Variants in SOX6 observed in about 807,000 individuals in gnomAD.
SOX6 encodes transcription factor SOX-6.
A neutral mutation model predicts 97.8 loss-of-function variants in SOX6; 11 were observed. The ratio of observed to expected loss-of-function variants is 0.11; its 90% CI spans 0.07 to 0.19. The LOEUF (loss-of-function observed/expected upper bound fraction) is 0.19, where lower values mean the gene tolerates loss of function less well. SOX6 is among the 10% of genes least tolerant of loss of function. The probability of loss-of-function intolerance (pLI) is 1.00; values close to 1 mark genes in which losing one functional copy is unlikely to be tolerated. For synonymous variants in SOX6, 360 were observed against 371.4 expected (o/e 0.97, Z 0.35); for missense variants, 810 against 1,039.5 (o/e 0.78, Z 3.04).
chr11:16,451,960 G>A (rs1368371232), intron 1 of SOX6, among the ~76,000 whole-genome samples: 1 of 136,922 alleles, frequency 7.3e-6, no homozygotes, highest in African/African-American at 3.0e-5. Context: ...TCCAGTTTGG[G>A]TGACAGAGCA....
At chr11:16,500,971 T>C (rs1860697220) in intron 4 of SOX6, among the ~76,000 whole-genome samples, 1 of 152,144 alleles carries the variant, frequency 6.6e-6, no homozygotes, top group South Asian at 2.1e-4. Flanking sequence ...TTAAAGTTCA[T>C]ATGGAACCAA....
chr11:16,111,759 G>T, intron 7 of SOX6, 44 bp downstream of exon 7: 1 of 1,610,834 alleles, frequency 6.2e-7, no homozygotes. Flanking sequence ...TAAACATGCA[G>T]ATCTGAGCAT....
At chr11:16,104,100 C>A (rs1218145378) in intron 7 of SOX6, among the ~76,000 whole-genome samples, 1 of 151,906 alleles carries the variant, frequency 6.6e-6, no homozygotes, top group Admixed American at 6.6e-5. Flanking sequence ...AGATTATAGA[C>A]CTTTAAAAAA....
intron 4 of SOX6, among the ~76,000 whole-genome samples, chr11:16,534,425 G>A (rs905444187): frequency 6.6e-6 from 1 of 151,920 alleles, no homozygotes. Context: ...CTAGAACTTT[G>A]CCTTGTATAT....
chr11:16,735,945 G>A (rs73421135), intron 2 of SOX6, among the ~76,000 whole-genome samples: 3,523 of 152,046 alleles, frequency 0.023, 139 homozygotes, highest in African/African-American at 0.081. Flanking sequence ...TTGAGAGCAC[G>A]TACTCGACAA....
At chr11:16,710,660 C>A (rs1848171894) in intron 3 of SOX6, among the ~76,000 whole-genome samples, 1 of 152,174 alleles carries the variant, frequency 6.6e-6, no homozygotes, top group Admixed American at 6.5e-5. Flanking sequence ...GTTTCTCAGA[C>A]TCAGGCCAGA....
At chr11:15,983,245 C>A (rs1044093802) in intron 15 of SOX6, among the ~76,000 whole-genome samples, 2 of 151,868 alleles carry the variant, frequency 1.3e-5, no homozygotes, top group African/African-American at 4.8e-5. Context: ...ATAATCTTAT[C>A]CAGATTATTA....
intron 7 of SOX6, among the ~76,000 whole-genome samples, chr11:16,109,635 T>TAAA (rs1374212669): frequency 6.6e-6 from 1 of 152,190 alleles, no homozygotes; most frequent in Non-Finnish European, 1.5e-5. Flanking sequence ...ACTGCATAGA[T>TAAA]TGATTAAGTC....
At chr11:16,247,999 T>A (rs1157559968) in intron 3 of SOX6, among the ~76,000 whole-genome samples, 1 of 152,182 alleles carries the variant, frequency 6.6e-6, no homozygotes, top group East Asian at 1.9e-4. Context: ...ATTGGGTAAA[T>A]ACACCCATTC....
At chr11:16,373,915 G>A (rs917864451) in intron 1 of SOX6, among the ~76,000 whole-genome samples, 3 of 146,050 alleles carry the variant, frequency 2.1e-5, no homozygotes, top group Non-Finnish European at 4.5e-5. Flanking sequence ...GAGGGAGAAG[G>A]GGAAGGGAGG....
intron 3 of SOX6, among the ~76,000 whole-genome samples, chr11:16,290,359 T>C (rs1854879310): frequency 1.3e-5 from 2 of 152,084 alleles, no homozygotes; most frequent in African/African-American, 4.8e-5. Context: ...TTGGGGTTAT[T>C]AGCATGATAA....
intron 4 of SOX6, among the ~76,000 whole-genome samples, chr11:16,535,069 T>A (rs1427732395): frequency 6.6e-6 from 1 of 152,166 alleles, no homozygotes; most frequent in Non-Finnish European, 1.5e-5. Flanking sequence ...GAATTTGACC[T>A]GCATATTGAA....
chr11:16,111,159 C>T (rs1199663588), intron 7 of SOX6, among the ~76,000 whole-genome samples: 1 of 152,168 alleles, frequency 6.6e-6, no homozygotes, highest in Non-Finnish European at 1.5e-5. Flanking sequence ...AGCTTCAAAC[C>T]ATTATGCCCC....
chr11:16,063,554 A>ATATATAT (rs1848019806), intron 9 of SOX6, among the ~76,000 whole-genome samples: 1 of 68,958 alleles, frequency 1.5e-5, no homozygotes, highest in Non-Finnish European at 2.9e-5. Flanking sequence ...ATATATATAT[A>ATATATAT]CCTGCTTTCT....
intron 3 of SOX6, among the ~76,000 whole-genome samples, chr11:16,648,957 T>G (rs1261552701): frequency 6.6e-6 from 1 of 151,738 alleles, no homozygotes; most frequent in East Asian, 1.9e-4. Flanking sequence ...AAGACACACT[T>G]AGAGAAATAC....
At chr11:16,251,084 A>C (rs754214956) in intron 3 of SOX6, among the ~76,000 whole-genome samples, 2 of 152,166 alleles carry the variant, frequency 1.3e-5, no homozygotes, top group African/African-American at 2.4e-5. Context: ...AAATTAGAAA[A>C]TATTTCAAAC....
intron 4 of SOX6, among the ~76,000 whole-genome samples, chr11:16,567,794 CTCGAA>C (rs1847891759): frequency 7.1e-6 from 1 of 141,750 alleles, no homozygotes; most frequent in South Asian, 2.2e-4. Flanking sequence ...TCAGGCTTGT[CTCGAA>C]CTCCTGACCT....
intron 3 of SOX6, among the ~76,000 whole-genome samples, chr11:16,684,640 T>C (rs1847954596): frequency 6.6e-6 from 1 of 151,968 alleles, no homozygotes; most frequent in South Asian, 2.1e-4. Context: ...AAATGACAAG[T>C]TGATGGGTGC....
At chr11:16,128,668 A>AAT (rs1237134827) in intron 6 of SOX6, among the ~76,000 whole-genome samples, 4 of 151,786 alleles carry the variant, frequency 2.6e-5, no homozygotes, top group African/African-American at 4.8e-5. Context: ...CTTTTTCTGA[A>AAT]ATATATATAT....
Sources: gnomAD v4.1 joint callset for allele counts (sites outside exome capture counted in the v4.1 genomes callset) on GRCh38, gnomAD v4.1.1 for gene constraint, MANE v1.5 for transcripts, NCBI Gene and HGNC (gene_info 2026-07-23, HGNC 2026-07-21) for gene names.